Variants in ITGBL1 observed in about 807,000 individuals in gnomAD.
The protein encoded by ITGBL1 is integrin beta-like protein 1.
A neutral mutation model predicts 68.5 loss-of-function variants in ITGBL1; 51 were observed. The observed-to-expected ratio is 0.74, with a 90% CI of 0.59 to 0.94. The LOEUF (loss-of-function observed/expected upper bound fraction) is 0.94, where lower values mean the gene tolerates loss of function less well. Ranked by LOEUF, ITGBL1 falls within the 40% of genes least tolerant of loss-of-function variation. ITGBL1 has a pLI of 0.00. For synonymous variants in ITGBL1, 209 were observed against 227.3 expected (o/e 0.92, Z 0.72); for missense variants, 649 against 647.4 (o/e 1.00, Z -0.03).
chr13:101,714,308 C>T, intron 9 of ITGBL1, 130 bp from the exon 10 acceptor site: 1 of 670,032 alleles, frequency 1.5e-6, no homozygotes, highest in Admixed American at 2.4e-5. Flanking sequence ...AGAAACCAGC[C>T]ATTCAATACA....
chr13:101,711,566 A>G (rs1350962278), intron 9 of ITGBL1: 1 of 152,272 alleles, frequency 6.6e-6, no homozygotes, highest in Non-Finnish European at 1.5e-5. Context: ...ACAGATAGGC[A>G]GATCACTAAA....
At chr13:101,571,949 A>G (rs1262921892) in intron 3 of ITGBL1, among the ~76,000 whole-genome samples, 1 of 152,208 alleles carries the variant, frequency 6.6e-6, no homozygotes, top group Non-Finnish European at 1.5e-5. Flanking sequence ...GATTGTAAAT[A>G]ATAGTGCACA....
intron 7 of ITGBL1, among the ~76,000 whole-genome samples, chr13:101,651,578 T>A (rs2032751669): frequency 6.6e-6 from 1 of 152,198 alleles, no homozygotes; most frequent in African/African-American, 2.4e-5. Context: ...TAGACCTTTG[T>A]CAGATGGATA....
intron 4 of ITGBL1, among the ~76,000 whole-genome samples, chr13:101,577,990 T>A (rs1402512365): frequency 6.6e-6 from 1 of 152,214 alleles, no homozygotes; most frequent in East Asian, 1.9e-4. Flanking sequence ...CAATTATAAC[T>A]TATTTAGACA....
intron 7 of ITGBL1, among the ~76,000 whole-genome samples, chr13:101,657,776 A>G (rs570631423): frequency 1.6e-4 from 24 of 152,338 alleles, no homozygotes; most frequent in African/African-American, 5.3e-4. Context: ...GTGGATGAAT[A>G]TTAATGATTG....
chr13:101,663,299 C>G (rs2033134014), intron 7 of ITGBL1, among the ~76,000 whole-genome samples: 1 of 152,120 alleles, frequency 6.6e-6, no homozygotes, highest in Non-Finnish European at 1.5e-5. Context: ...GAAAACAGGA[C>G]TGGTAGTTAC....
chr13:101,518,838 A>C (rs1473491496), intron 2 of ITGBL1, among the ~76,000 whole-genome samples: 1 of 152,158 alleles, frequency 6.6e-6, no homozygotes, highest in Non-Finnish European at 1.5e-5. Flanking sequence ...CAATAATCTC[A>C]TGGGGATATT....
chr13:101,464,905 C>G (rs1356976854), intron 2 of ITGBL1, among the ~76,000 whole-genome samples: 1 of 152,180 alleles, frequency 6.6e-6, no homozygotes. Flanking sequence ...AATGCTGACA[C>G]TCTTGATATA....
rs1257764086 is a variant in ITGBL1, at chr13:101,583,313, C to A, written c.825C>A (p.Asp275Glu). 6 of 1,610,990 alleles carry A rather than the reference C, an allele frequency of 3.7e-6. No individual in the cohort carries two copies. Among genetic ancestry groups the A allele is most frequent in the Non-Finnish European group, 4.2e-6 (5 of 1,179,082 alleles). ...ACACCTGTGAATGTGATGAGAGGGA[C>A]TGTAGAGCTGTCTATGACCGATATT... ...HGDTCECDER[D>E]CRAVYDRYSD... Residue 275 changes from aspartate to glutamate, a missense_variant, in exon 6 of 11, where the codon GAC becomes GAA. By Grantham distance (45) the Asp-to-Glu change is conservative. Transcript: ENST00000376180.
chr13:101,595,697 T>C (rs1057249549), intron 6 of ITGBL1, among the ~76,000 whole-genome samples: 3 of 152,086 alleles, frequency 2.0e-5, no homozygotes, highest in South Asian at 2.1e-4. Flanking sequence ...AGTCAAAAGA[T>C]AGATGTTGGC....
intron 7 of ITGBL1, among the ~76,000 whole-genome samples, chr13:101,618,622 T>A (rs1249558439): frequency 6.6e-6 from 1 of 152,090 alleles, no homozygotes; most frequent in Non-Finnish European, 1.5e-5. Flanking sequence ...TCTCACTCTT[T>A]CACTTTCTGT....
intron 7 of ITGBL1, among the ~76,000 whole-genome samples, chr13:101,671,681 G>T (rs368524212): frequency 1.3e-5 from 2 of 151,254 alleles, no homozygotes; most frequent in Non-Finnish European, 2.9e-5. Context: ...CTCATGATCC[G>T]CCCACCTCTG....
intron 2 of ITGBL1, among the ~76,000 whole-genome samples, chr13:101,556,249 T>C (rs2139224128): frequency 6.6e-6 from 1 of 152,314 alleles, no homozygotes. Context: ...GTGATCTTAT[T>C]TGGAAATTGG....
At chr13:101,460,782 G>GGAAAGAGAAGGA (rs2048307469) in intron 2 of ITGBL1, among the ~76,000 whole-genome samples, 1 of 151,962 alleles carries the variant, frequency 6.6e-6, no homozygotes, top group Admixed American at 6.5e-5. Context: ...CATGTCACAT[G>GGAAAGAGAAGGA]GCAAGAGATA....
At chr13:101,583,754 A>G (rs1288156225) in intron 6 of ITGBL1, among the ~76,000 whole-genome samples, 2 of 152,362 alleles carry the variant, frequency 1.3e-5, no homozygotes, top group East Asian at 1.9e-4. Context: ...ACCCTGTAAA[A>G]GAAACTGAAT....
At chr13:101,643,571 G>C (rs181048394) in intron 7 of ITGBL1, among the ~76,000 whole-genome samples, 62 of 152,282 alleles carry the variant, frequency 4.1e-4, no homozygotes, top group Non-Finnish European at 3.2e-4. Context: ...TTGGAATAAA[G>C]TCCACTGTGA....
At chr13:101,520,395 G>A (rs952841498) in intron 2 of ITGBL1, among the ~76,000 whole-genome samples, 3 of 152,140 alleles carry the variant, frequency 2.0e-5, no homozygotes, top group African/African-American at 7.2e-5. Context: ...CTTGCAATGA[G>A]AGAGTTTCAG....
intron 7 of ITGBL1, among the ~76,000 whole-genome samples, chr13:101,623,122 ATAT>A (rs1348359443): frequency 5.3e-5 from 8 of 152,140 alleles, no homozygotes; most frequent in South Asian, 2.1e-4. Flanking sequence ...ACTAGGATAA[ATAT>A]TATTCTCTAT....
intron 8 of ITGBL1, among the ~76,000 whole-genome samples, chr13:101,697,137 A>T (rs1379187539): frequency 6.6e-6 from 1 of 151,808 alleles, no homozygotes; most frequent in African/African-American, 2.4e-5. Context: ...TATTATTTAT[A>T]ATATATATTA....
Sources: allele counts gnomAD v4.1 joint callset (sites outside exome capture counted in the v4.1 genomes callset), GRCh38; gene constraint gnomAD v4.1.1; transcripts MANE v1.5; gene names NCBI Gene and HGNC (gene_info 2026-07-23, HGNC 2026-07-21).